The following EYS variants were observed in gnomAD, a reference collection of about 807,000 sequenced individuals.
The protein encoded by EYS is protein eyes shut homolog.
In EYS, 250 loss-of-function variants were observed where a neutral mutation model predicts 282.1. The ratio of observed to expected loss-of-function variants is 0.89; its 90% CI spans 0.80 to 0.98. EYS has a LOEUF of 0.98. EYS is among the 50% of genes least tolerant of loss of function. The pLI is 0.00. For synonymous variants in EYS, 1,355 were observed against 1,282.9 expected (o/e 1.06, Z -1.20); for missense variants, 4,016 against 3,709.0 (o/e 1.08, Z -2.15).
intron 22 of EYS, among the ~76,000 whole-genome samples, chr6:64,686,811 A>G (rs1230631736): frequency 3.3e-3 from 103 of 31,420 alleles, no homozygotes; most frequent in Admixed American, 4.5e-3. Context: ...ATATGTGTGT[A>G]TATATATATG....
chr6:64,120,073 C>T (rs938469844), intron 31 of EYS, among the ~76,000 whole-genome samples: 1 of 151,654 alleles, frequency 6.6e-6, no homozygotes, highest in Non-Finnish European at 1.5e-5. Flanking sequence ...TTTGGCCAGG[C>T]GTGGTGGCTT....
chr6:63,944,492 A>G (rs1765334039), intron 35 of EYS, among the ~76,000 whole-genome samples: 1 of 152,230 alleles, frequency 6.6e-6, no homozygotes, highest in Non-Finnish European at 1.5e-5. Flanking sequence ...TTCATGTACA[A>G]CATGATGTTT....
chr6:64,171,699 A>G (rs79725368), intron 31 of EYS, among the ~76,000 whole-genome samples: 5,348 of 152,276 alleles, frequency 0.035, 229 homozygotes, highest in African/African-American at 0.099. Context: ...TTATTGTCTT[A>G]GAGTAACTAA....
chr6:65,121,715 G>A (rs886669731), intron 12 of EYS, among the ~76,000 whole-genome samples: 1 of 152,036 alleles, frequency 6.6e-6, no homozygotes, highest in Non-Finnish European at 1.5e-5. Flanking sequence ...TCTTCTCTCT[G>A]TATTCTACTA....
chr6:64,866,940 T>C (rs951769786), intron 19 of EYS, among the ~76,000 whole-genome samples: 4 of 151,816 alleles, frequency 2.6e-5, no homozygotes, highest in African/African-American at 9.7e-5. Context: ...ACAATTGATC[T>C]ATCACCTTCA....
chr6:65,508,575 G>T (rs913121946), intron 2 of EYS, among the ~76,000 whole-genome samples: 2 of 150,748 alleles, frequency 1.3e-5, no homozygotes, highest in African/African-American at 4.9e-5. Flanking sequence ...TCAGGAGGCT[G>T]AGGCAAGGGA....
intron 1 of EYS, among the ~76,000 whole-genome samples, chr6:65,673,978 A>T (rs1486614482): frequency 6.6e-6 from 1 of 152,046 alleles, no homozygotes; most frequent in East Asian, 1.9e-4. Flanking sequence ...CAAAACTAAT[A>T]AAAATAAACA....
In EYS at chr6:65,401,068, C is replaced by G. The variant is rs371017663; in HGVS notation, c.1184+1410G>C. ...ATAAACACTAGAGACAAGGAACAAC[C>G]ATTTGTACTTTAGCTCTTCAAGAAG... On this transcript the variant is annotated intron_variant, in intron 7 of 42. Transcript: ENST00000503581. Among the ~76,000 whole-genome samples the G allele has an allele frequency of 2.6e-5, 4 of 151,882 alleles. No homozygotes were observed. The South Asian group carries it at 6.2e-4, about 24-fold the overall frequency.
chr6:64,073,639 C>G (rs1368817670), intron 32 of EYS, among the ~76,000 whole-genome samples: 1 of 151,690 alleles, frequency 6.6e-6, no homozygotes, highest in Non-Finnish European at 1.5e-5. Flanking sequence ...AATGACTATT[C>G]TTAGATAAAT....
intron 5 of EYS, among the ~76,000 whole-genome samples, chr6:65,480,049 C>A (rs967811869): frequency 6.6e-6 from 1 of 151,782 alleles, no homozygotes; most frequent in African/African-American, 2.4e-5. Context: ...CCTGTAGTCC[C>A]AGCTACTTGG....
chr6:64,104,205 AAAGAT>A (rs1349997311), intron 31 of EYS, among the ~76,000 whole-genome samples: 1 of 152,144 alleles, frequency 6.6e-6, no homozygotes, highest in Non-Finnish European at 1.5e-5. Context: ...CAAGTTGGGT[AAAGAT>A]AAGATGCATT....
intron 13 of EYS, among the ~76,000 whole-genome samples, chr6:65,034,318 G>A (rs750017318): frequency 5.9e-5 from 9 of 152,152 alleles, no homozygotes; most frequent in Admixed American, 1.3e-4. Flanking sequence ...TACTGGGAAG[G>A]ATGATTGTAT....
intron 2 of EYS, among the ~76,000 whole-genome samples, chr6:65,599,794 G>C (rs1304399407): frequency 1.3e-5 from 2 of 151,938 alleles, no homozygotes; most frequent in Non-Finnish European, 2.9e-5. Context: ...TATTCATAGG[G>C]AAGGGGTTGG....
At chr6:64,324,939 A>G (rs1378053291) in intron 29 of EYS, among the ~76,000 whole-genome samples, 1 of 152,188 alleles carries the variant, frequency 6.6e-6, no homozygotes, top group Non-Finnish European at 1.5e-5. Flanking sequence ...AGAGAACTAC[A>G]AAACACTGCC....
At chr6:64,301,152 A>C (rs1455825842) in intron 30 of EYS, among the ~76,000 whole-genome samples, 1 of 152,240 alleles carries the variant, frequency 6.6e-6, no homozygotes, top group Non-Finnish European at 1.5e-5. Flanking sequence ...CTTCCTGGTC[A>C]GTAAGACCTC....
chr6:64,456,532 C>T (rs1775564067), intron 26 of EYS, among the ~76,000 whole-genome samples: 1 of 151,876 alleles, frequency 6.6e-6, no homozygotes, highest in Non-Finnish European at 1.5e-5. Context: ...AATACCATGG[C>T]TACAAGAGGG....
At chr6:64,945,391 T>C (rs887256064) in intron 15 of EYS, among the ~76,000 whole-genome samples, 2 of 152,122 alleles carry the variant, frequency 1.3e-5, no homozygotes, top group Admixed American at 1.3e-4. Context: ...ACTAAAATAA[T>C]CCAAAATCAC....
intron 35 of EYS, among the ~76,000 whole-genome samples, chr6:63,894,064 C>T (rs1384688369): frequency 1.3e-5 from 2 of 152,068 alleles, no homozygotes; most frequent in Admixed American, 6.5e-5. Context: ...TGCCTAGAGC[C>T]CTTGCTAAAC....
At chr6:64,738,018 G>A (rs1194489328) in intron 22 of EYS, among the ~76,000 whole-genome samples, 1 of 151,790 alleles carries the variant, frequency 6.6e-6, no homozygotes, top group Middle Eastern at 3.4e-3. Flanking sequence ...TTATCACTAT[G>A]CTAAAGGTAT....
Sources: gnomAD v4.1 joint callset for allele counts (sites outside exome capture counted in the v4.1 genomes callset) on GRCh38, gnomAD v4.1.1 for gene constraint, MANE v1.5 for transcripts, NCBI Gene and HGNC (gene_info 2026-07-23, HGNC 2026-07-21) for gene names.